MED27: variants seen among roughly 807,000 people sequenced by gnomAD.
The protein encoded by MED27 is mediator of RNA polymerase II transcription subunit 27.
A neutral mutation model predicts 38.2 loss-of-function variants in MED27; 30 were observed. The observed-to-expected ratio is 0.79, with a 90% CI of 0.59 to 1.07. The LOEUF (loss-of-function observed/expected upper bound fraction) is 1.07. Ranked by LOEUF, MED27 falls within the 50% of genes least tolerant of loss-of-function variation. The probability of loss-of-function intolerance (pLI) is 0.00; values close to 1 mark genes in which losing one functional copy is unlikely to be tolerated. For missense variants in MED27, 289 were observed against 397.5 expected (o/e 0.73, Z 2.32); for synonymous variants, 122 against 153.5 (o/e 0.79, Z 1.52).
chr9:132,077,311 C>T (rs1834073742), intron 2 of MED27, 131 bp downstream of exon 2: 2 of 910,546 alleles, frequency 2.2e-6, no homozygotes, highest in East Asian at 2.5e-5. Flanking sequence ...TCTACAACTT[C>T]CAACTCTATA....
intron 4 of MED27, among the ~76,000 whole-genome samples, chr9:131,920,865 T>C (rs1830378366): frequency 6.6e-6 from 1 of 151,990 alleles, no homozygotes; most frequent in Non-Finnish European, 1.5e-5. Context: ...GGGGAGCCAT[T>C]GGAGGTTCTG....
chr9:131,980,101 A>ATG (rs944354360), intron 3 of MED27, among the ~76,000 whole-genome samples: 1 of 150,324 alleles, frequency 6.7e-6, no homozygotes, highest in Non-Finnish European at 1.5e-5. Flanking sequence ...AAGGTAATAT[A>ATG]TGTGTGTGTG....
intron 4 of MED27, among the ~76,000 whole-genome samples, chr9:131,929,370 C>T (rs548858374): frequency 1.4e-4 from 21 of 152,110 alleles, no homozygotes; most frequent in Non-Finnish European, 2.8e-4. Context: ...TTGCCTTGCC[C>T]CTTAGGTACC....
At chr9:132,014,293 A>G (rs1296438481) in intron 3 of MED27, 44 bp downstream of exon 3, 11 of 1,563,948 alleles carry the variant, frequency 7.0e-6, no homozygotes, top group Admixed American at 3.9e-5. Context: ...TAAAGTAAAA[A>G]AGTTCACCCA....
intron 6 of MED27, among the ~76,000 whole-genome samples, chr9:131,876,440 A>AG (rs1838934558): frequency 6.6e-6 from 1 of 152,184 alleles, no homozygotes; most frequent in Admixed American, 6.5e-5. Context: ...GCAGGGGCTG[A>AG]GGGAGCCTTG....
chr9:131,869,446 G>A (rs1206980682), intron 6 of MED27: 21 of 971,042 alleles, frequency 2.2e-5, no homozygotes, highest in African/African-American at 3.5e-5. Flanking sequence ...TGTGGCAGCC[G>A]AGGTTCGGTC....
chr9:132,065,554 C>A (rs1266147082), intron 2 of MED27, among the ~76,000 whole-genome samples: 2 of 152,234 alleles, frequency 1.3e-5, no homozygotes, highest in African/African-American at 4.8e-5. Flanking sequence ...AGACACCCCG[C>A]AAAGATGCCA....
Position 132,073,953 on chromosome 9 carries a change from A to G in MED27, c.348+3489T>C, listed in dbSNP as rs545664509. Among the ~76,000 whole-genome samples, 72 of 152,360 alleles carry G rather than the reference A, an allele frequency of 4.7e-4. 1 individual carries two copies. The highest frequency in any genetic ancestry group is 1.6e-3 in the African/African-American group (67 of 41,584). The stretch of plus-strand genomic sequence containing the variant: ...TAAACAAATGAAAAAAATCAAAGCC[A>G]GAAATAAAAGCCTGGTGACAGGATG... On this transcript the variant is annotated intron_variant, in intron 2 of 7. Coordinates refer to ENST00000292035, the MANE Select transcript of MED27 (RefSeq NM_004269.4).
rs186888574 is a variant in MED27 at position 132,055,472 on chromosome 9, C to T, written c.348+21970G>A. 3.3e-5 allele frequency among the ~76,000 whole-genome samples: 5 copies of T among 152,242 alleles called. No individual in the cohort carries two copies. The East Asian group carries it at 7.7e-4, about 23-fold the overall frequency. ...ATACAGTAATTAACCTTGGGACCAT[C>T]GAAAACCACATGAACAACCAGACTA... On this transcript the variant is annotated intron_variant, in intron 2 of 7. Transcript: ENST00000292035.
chr9:132,070,411 G>T (rs534155124), intron 2 of MED27, among the ~76,000 whole-genome samples: 3 of 152,268 alleles, frequency 2.0e-5, no homozygotes, highest in Non-Finnish European at 2.9e-5. Flanking sequence ...TTAAAAATTA[G>T]CTGGGCGTGG....
chr9:132,008,964 G>T (rs1208081675), intron 3 of MED27, among the ~76,000 whole-genome samples: 1 of 152,178 alleles, frequency 6.6e-6, no homozygotes, highest in Admixed American at 6.5e-5. Context: ...ATCCTTCACA[G>T]CCAGCAGCAG....
chr9:132,039,377 T>C (rs1264122520), intron 2 of MED27, among the ~76,000 whole-genome samples: 1 of 152,126 alleles, frequency 6.6e-6, no homozygotes, highest in Admixed American at 6.5e-5. Flanking sequence ...ATAATAATAA[T>C]AGTACACACG....
intron 6 of MED27, chr9:131,869,139 A>G (rs896185885): frequency 1.0e-6 from 1 of 985,250 alleles, no homozygotes; most frequent in Admixed American, 6.1e-5. Context: ...CCCACCACCA[A>G]TTACAGAAAT....
rs185283720 is a variant in MED27 at position 131,905,084 on chromosome 9, A to T, written c.574-11092T>A. 4.6e-5 allele frequency among the ~76,000 whole-genome samples: 7 copies of T among 152,346 alleles called. No homozygotes were observed. The East Asian group carries it at 1.4e-3, about 29-fold the overall frequency. On this transcript the variant is annotated intron_variant, in intron 4 of 7. Coordinates refer to ENST00000292035, the MANE Select transcript of MED27 (RefSeq NM_004269.4). ...CTTGCAGTCTTGGGAAAAATCCCCC[A>T]AACTATCAAAATTAGCTCATTTAAT...
At chr9:132,019,357 C>T (rs1832671153) in intron 2 of MED27, among the ~76,000 whole-genome samples, 1 of 152,214 alleles carries the variant, frequency 6.6e-6, no homozygotes, top group South Asian at 2.1e-4. Flanking sequence ...AACAGACTGC[C>T]TCCATCTGAC....
chr9:131,961,204 C>T (rs1831207658), intron 3 of MED27, among the ~76,000 whole-genome samples: 1 of 152,234 alleles, frequency 6.6e-6, no homozygotes, highest in African/African-American at 2.4e-5. Context: ...AGTCTTGACA[C>T]TGAAACCCAT....
chr9:131,939,954 T>G (rs1411058389), intron 3 of MED27, among the ~76,000 whole-genome samples: 1 of 150,884 alleles, frequency 6.6e-6, no homozygotes, highest in Non-Finnish European at 1.5e-5. Context: ...TCACCTAGGC[T>G]GGAGTGCAGT....
intron 2 of MED27, among the ~76,000 whole-genome samples, chr9:132,027,220 T>C (rs1355424328): frequency 3.3e-5 from 5 of 152,142 alleles, no homozygotes; most frequent in African/African-American, 4.8e-5. Context: ...ACAAGCACAG[T>C]TGTGCTCTGG....
chr9:132,020,962 T>C (rs534086473), intron 2 of MED27, among the ~76,000 whole-genome samples: 17 of 152,350 alleles, frequency 1.1e-4, no homozygotes, highest in African/African-American at 4.1e-4. Flanking sequence ...TTTACTTGCC[T>C]ATTTGTTCTC....
Sources: gnomAD v4.1 joint callset for allele counts (sites outside exome capture counted in the v4.1 genomes callset) on GRCh38, gnomAD v4.1.1 for gene constraint, MANE v1.5 for transcripts, NCBI Gene and HGNC (gene_info 2026-07-23, HGNC 2026-07-21) for gene names.